The following LOC101059915 variants were observed in gnomAD, a reference collection of about 807,000 sequenced individuals.
the LOC101059915 span, chrX:71,667,933 G>T: frequency 8.8e-7 from 1 of 1,139,807 alleles, no homozygotes; most frequent in Admixed American, 2.9e-5. Context: ...CCTCAATTTT[G>T]GGGGGCAGCG....
At chrX:71,670,151 G>A in the LOC101059915 span, 717 of 999,674 alleles carry the variant, frequency 7.2e-4, 2 homozygotes, top group African/African-American at 0.012. Flanking sequence ...GGCAGAGCAG[G>A]GGCAACATGT....
the LOC101059915 span, chrX:71,668,238 G>C: frequency 3.2e-5 from 36 of 1,119,263 alleles, no homozygotes; most frequent in African/African-American, 6.4e-4. Flanking sequence ...GTCCCAGTTG[G>C]AGAGGTGCGC....
At chrX:71,668,913 C>A in the LOC101059915 span, 2 of 1,131,792 alleles carry the variant, frequency 1.8e-6, no homozygotes, top group South Asian at 2.2e-5. Context: ...TGGGGAAGTC[C>A]GTGAGACCCA....
the LOC101059915 span, chrX:71,670,701 G>T: frequency 9.0e-7 from 1 of 1,110,528 alleles, no homozygotes; most frequent in South Asian, 2.3e-5. Context: ...CAGCGGTGTC[G>T]TTCTGCAGGT....
chrX:71,670,165 C>T, the LOC101059915 span: 2 of 1,079,546 alleles, frequency 1.9e-6, no homozygotes, highest in Non-Finnish European at 2.5e-6. Context: ...AACATGTTGC[C>T]AGCAGAGGGT....
the LOC101059915 span, chrX:71,667,571 C>T: frequency 3.4e-5 from 9 of 265,483 alleles, no homozygotes; most frequent in Middle Eastern, 1.0e-3. Flanking sequence ...CCGGAAGCCA[C>T]GCGCTGTCAG....
the LOC101059915 span, chrX:71,669,704 A>G: frequency 1.0e-6 from 1 of 974,523 alleles, no homozygotes; most frequent in South Asian, 5.2e-5. Context: ...CCCAGATGCC[A>G]TGCATCCTCC....
the LOC101059915 span, chrX:71,667,682 C>G: frequency 1.3e-6 from 1 of 760,745 alleles, no homozygotes; most frequent in East Asian, 4.3e-5. Context: ...TATCAATTCG[C>G]TCTCAGGCTC....
At chrX:71,667,872 C>A in the LOC101059915 span, 1 of 1,104,514 alleles carries the variant, frequency 9.1e-7, no homozygotes, top group Non-Finnish European at 1.2e-6. Context: ...AGCAGGCCGG[C>A]GCCCACACCG....
At chrX:71,670,321 A>G in the LOC101059915 span, 2 of 1,165,898 alleles carry the variant, frequency 1.7e-6, no homozygotes. Context: ...CCGGGAGCCC[A>G]GGGCTGTCCT....
At chrX:71,671,351 C>T in the LOC101059915 span, 8 of 874,978 alleles carry the variant, frequency 9.1e-6, no homozygotes, top group Non-Finnish European at 1.3e-5. Flanking sequence ...CTCTGTTTCA[C>T]AGGTTGGAGC....
the LOC101059915 span, chrX:71,667,800 C>T: frequency 7.5e-5 from 79 of 1,053,752 alleles, no homozygotes; most frequent in Admixed American, 3.9e-4. Context: ...GACTGGCGGG[C>T]GCCATGAGCT....
chrX:71,668,093 G>A, the LOC101059915 span: 1 of 1,147,289 alleles, frequency 8.7e-7, no homozygotes, highest in South Asian at 2.1e-5. Flanking sequence ...GACCAAGCGG[G>A]TGGTGGGGAC....
chrX:71,667,734 G>A, the LOC101059915 span: 24 of 960,936 alleles, frequency 2.5e-5, no homozygotes, highest in South Asian at 8.4e-4. Flanking sequence ...GGCTGGGCTC[G>A]GCTCTCCTCT....
At chrX:71,667,936 G>T in the LOC101059915 span, 8 of 1,148,415 alleles carry the variant, frequency 7.0e-6, no homozygotes, top group African/African-American at 9.0e-5. Context: ...CAATTTTGGG[G>T]GGCAGCGCAG....
the LOC101059915 span, chrX:71,669,553 T>G: frequency 1.0e-6 from 1 of 958,511 alleles, no homozygotes; most frequent in Non-Finnish European, 1.3e-6. Flanking sequence ...GAAATTTCTG[T>G]TTTAGCTTCC....
the LOC101059915 span, chrX:71,670,471 T>C: frequency 1.9e-5 from 21 of 1,086,625 alleles, no homozygotes; most frequent in Admixed American, 2.8e-5. Flanking sequence ...CTCCTTTCCA[T>C]TGAGGGTTTT....
At chrX:71,669,763 G>A in the LOC101059915 span, 1 of 946,501 alleles carries the variant, frequency 1.1e-6, no homozygotes, top group Non-Finnish European at 1.3e-6. Flanking sequence ...GGGTCCGGAG[G>A]GAAACCTCTG....
At chrX:71,669,678 C>T in the LOC101059915 span, 1 of 973,229 alleles carries the variant, frequency 1.0e-6, no homozygotes, top group Non-Finnish European at 1.3e-6. Context: ...CGGCCTTTAC[C>T]TTGAGACGCC....
Sources: gnomAD v4.1 joint callset for allele counts on GRCh38, gnomAD v4.1.1 for gene constraint, MANE v1.5 for transcripts.